FHL1: variants seen among roughly 807,000 people sequenced by gnomAD.
FHL1 encodes the protein four and a half LIM domains protein 1.
A neutral mutation model predicts 20.3 loss-of-function variants in FHL1; 1 was observed. That is an observed-to-expected ratio of 0.05 (90% confidence interval 0.02 to 0.23). The LOEUF (loss-of-function observed/expected upper bound fraction) is 0.23, where lower values mean the gene tolerates loss of function less well. FHL1 is among the 10% of genes least tolerant of loss of function. The probability of loss-of-function intolerance (pLI) is 1.00; values close to 1 mark genes in which losing one functional copy is unlikely to be tolerated. For synonymous variants in FHL1, 82 were observed against 88.9 expected (o/e 0.92, Z 0.44); for missense variants, 177 against 234.0 (o/e 0.76, Z 1.59).
At chrX:136,188,643 C>T (rs929318506) in intron 2 of FHL1, among the ~76,000 whole-genome samples, 1 of 111,029 alleles carries the variant, frequency 9.0e-6, no homozygotes, top group Non-Finnish European at 1.9e-5. Context: ...TATGGACATA[C>T]GGCAATGGTC....
At chrX:136,150,478 GC>G (rs2148257141) in intron 1 of FHL1, among the ~76,000 whole-genome samples, 1 of 111,596 alleles carries the variant, frequency 9.0e-6, no homozygotes, top group East Asian at 2.8e-4. Context: ...GCTTTCCCCA[GC>G]TTTTGCCTAC....
chrX:136,172,881 T>C (rs1177375676), intron 2 of FHL1, among the ~76,000 whole-genome samples: 1 of 111,887 alleles, frequency 8.9e-6, no homozygotes, highest in African/African-American at 3.2e-5. Flanking sequence ...TACAGATGCG[T>C]GCCACCATGC....
chrX:136,197,080 C>CT lies in FHL1; in HGVS notation c.-32dup. The CT allele has an allele frequency of 8.3e-7, 1 of 1,203,313 alleles. No homozygotes were observed. The highest frequency in any genetic ancestry group is 1.8e-5 in the South Asian group (1 of 55,984). ...CAGCTGGGGTTGAGGGAAGACTGGT[C>CT]TAGGTGCTGCTCCTGAACTTGGTCT... On this transcript the variant is annotated 5_prime_UTR_variant, in exon 1 of 6. Coordinates refer to ENST00000370683, the MANE Select transcript of FHL1 (RefSeq NM_001159699.2).
intron 2 of FHL1, among the ~76,000 whole-genome samples, chrX:136,176,241 A>G (rs1355158537): frequency 1.8e-5 from 2 of 112,661 alleles, no homozygotes; most frequent in African/African-American, 6.4e-5. Flanking sequence ...TAATGGAGCT[A>G]CAGCTCAAGA....
chrX:136,155,303 C>T (rs1215807196), intron 1 of FHL1, among the ~76,000 whole-genome samples: 6 of 111,739 alleles, frequency 5.4e-5, no homozygotes, highest in Admixed American at 4.7e-4. Flanking sequence ...CAGCTTAGGC[C>T]GGGCAGGGAA....
chrX:136,175,042 C>G (rs1569528976), intron 2 of FHL1, among the ~76,000 whole-genome samples: 1 of 112,052 alleles, frequency 8.9e-6, no homozygotes, highest in Non-Finnish European at 1.9e-5. Flanking sequence ...AAATCTGTGG[C>G]ACAGATGACA....
intron 2 of FHL1, among the ~76,000 whole-genome samples, chrX:136,170,443 A>G (rs1489263668): frequency 9.0e-6 from 1 of 111,298 alleles, no homozygotes; most frequent in Non-Finnish European, 1.9e-5. Context: ...AAATCTGGTG[A>G]TAGAAGGCCA....
intron 2 of FHL1, among the ~76,000 whole-genome samples, chrX:136,184,879 A>G (rs779992130): frequency 2.9e-4 from 32 of 112,046 alleles, no homozygotes; most frequent in African/African-American, 7.1e-4. Context: ...AAACAATTCA[A>G]TAGGGAAAGC....
chrX:136,198,658 A>G (rs1450392013), intron 1 of FHL1, among the ~76,000 whole-genome samples: 2 of 112,211 alleles, frequency 1.8e-5, no homozygotes, highest in Non-Finnish European at 3.8e-5. Context: ...AGAAGCTAGG[A>G]TAATTGGATC....
chrX:136,176,539 C>T (rs2073007096), intron 2 of FHL1, among the ~76,000 whole-genome samples: 1 of 111,648 alleles, frequency 9.0e-6, no homozygotes, highest in Admixed American at 9.6e-5. Flanking sequence ...GAACGGAGAG[C>T]ACATTGCTAA....
chrX:136,152,827 A>G (rs1479915601), intron 1 of FHL1, among the ~76,000 whole-genome samples: 1 of 111,170 alleles, frequency 9.0e-6, no homozygotes, highest in Non-Finnish European at 1.9e-5. Context: ...TCCTCATCTG[A>G]TAAGAATCGA....
intron 5 of FHL1, chrX:136,209,104 G>A (rs1364210545): frequency 3.6e-5 from 19 of 522,582 alleles, no homozygotes; most frequent in Non-Finnish European, 4.8e-5. Flanking sequence ...TTGTTTTTGC[G>A]ATCAGCAAAG....
intron 2 of FHL1, among the ~76,000 whole-genome samples, chrX:136,183,453 C>CA (rs1477058643): frequency 9.0e-6 from 1 of 111,438 alleles, no homozygotes; most frequent in Non-Finnish European, 1.9e-5. Flanking sequence ...GTTTCATAAT[C>CA]ACCCATAATA....
chrX:136,160,704 T>C (rs770217128), intron 1 of FHL1, among the ~76,000 whole-genome samples: 1 of 112,520 alleles, frequency 8.9e-6, no homozygotes, highest in South Asian at 3.7e-4. Flanking sequence ...TAATTCTTTG[T>C]GTACAGATCT....
intron 1 of FHL1, among the ~76,000 whole-genome samples, chrX:136,150,901 TG>T (rs1408961196): frequency 4.4e-5 from 5 of 112,520 alleles, no homozygotes; most frequent in Non-Finnish European, 9.4e-5. Flanking sequence ...TAGGGAGAAG[TG>T]GATGGCCAGC....
In FHL1 at chrX:136,206,392, T is replaced by C. The variant is rs781418161; in HGVS notation, c.23-15T>C. ...ATTTCCTGTGGTCATTTGTCCTGTC[T>C]GCTTGCCCCCGCAGGTCCCTCCAGC... On this transcript the variant is annotated splice_polypyrimidine_tract_variant and intron_variant, in intron 1 of 5. Coordinates refer to ENST00000370683, the MANE Select transcript of FHL1 (RefSeq NM_001159699.2). 6 of 1,211,699 alleles carry C rather than the reference T, an allele frequency of 5.0e-6. No individual in the cohort carries two copies. The Admixed American group carries it at 1.3e-4, about 26-fold the overall frequency.
chrX:136,210,972 G>C lies in FHL1; in HGVS notation c.*947G>C, dbSNP rs1472095819. 5.3e-6 allele frequency: 2 copies of C among 379,093 alleles called. No homozygotes were observed. The highest frequency in any genetic ancestry group is 1.0e-5 in the Non-Finnish European group (2 of 200,555). 31.2% of individuals were successfully genotyped at this position (379,093 alleles called of 1,213,427 possible). On this transcript the variant is annotated 3_prime_UTR_variant, in exon 6 of 6. Coordinates refer to ENST00000370683, the MANE Select transcript of FHL1 (RefSeq NM_001159699.2). ...GGGGAGTTGAGCAGGCGCCAGGGCT[G>C]TCATCAACATGGATATGACATTTCA...
intron 1 of FHL1, among the ~76,000 whole-genome samples, chrX:136,205,415 A>G (rs1480358824): frequency 8.9e-6 from 1 of 112,091 alleles, no homozygotes; most frequent in Non-Finnish European, 1.9e-5. Flanking sequence ...AAATGGTAAT[A>G]CTGGTTACAC....
At chrX:136,160,658 G>A (rs370931598) in intron 1 of FHL1, among the ~76,000 whole-genome samples, 1 of 111,302 alleles carries the variant, frequency 9.0e-6, no homozygotes, top group Non-Finnish European at 1.9e-5. Flanking sequence ...CTCATGGCTT[G>A]TTTAGCTTAT....
Sources: allele counts gnomAD v4.1 joint callset (sites outside exome capture counted in the v4.1 genomes callset), GRCh38; gene constraint gnomAD v4.1.1; transcripts MANE v1.5; gene names NCBI Gene and HGNC (gene_info 2026-07-23, HGNC 2026-07-21).